The following TGS1 variants were observed in gnomAD, a reference collection of about 807,000 sequenced individuals.
TGS1 encodes the protein trimethylguanosine synthase 1, also known as trimethylguanosine synthase.
A neutral mutation model predicts 92.2 loss-of-function variants in TGS1; 69 were observed. The ratio of observed to expected loss-of-function variants is 0.75; its 90% CI spans 0.62 to 0.91. The LOEUF is 0.91. TGS1 is among the 40% of genes least tolerant of loss of function. The pLI, the probability that TGS1 is intolerant of heterozygous loss-of-function variation, is 0.00. For missense variants in TGS1, 1,062 were observed against 1,001.2 expected, an observed-to-expected ratio of 1.06 and a Z score of -0.82; for synonymous variants, 345 against 338.1, an observed-to-expected ratio of 1.02 and a Z score of -0.22.
In TGS1 at chr8:55,824,671, G is replaced by T. The variant is rs781609907; in HGVS notation, c.2530G>T (p.Asp844Tyr). 31 of 1,614,188 alleles carry T rather than the reference G, an allele frequency of 1.9e-5. No homozygotes were observed. The highest frequency in any genetic ancestry group is 2.1e-5 in the Non-Finnish European group (25 of 1,180,022). ...GAAGACAATCACTGCATATTTTGGT[G>T]ACCTAATTCGAAGACCAGCCTCTGA... ...KLKTITAYFG[D>Y]LIRRPASET is the part of the protein sequence containing the mutation. The change falls in exon 13 of 13, where the codon GAC becomes TAC. Residue 844 changes from aspartate (D) to tyrosine (Y), a missense_variant. Coordinates refer to ENST00000260129, the MANE Select transcript of TGS1 (RefSeq NM_024831.8).
rs974539349 is a variant in TGS1, at chr8:55,824,842, T to G, written c.*139T>G. Reference sequence around the variant, plus strand: ...GTATGAAATGGAAACTTACAGGACTTAAATATCAGTGAAATATTTTGAGAT... The same window carrying G: ...GTATGAAATGGAAACTTACAGGACTGAAATATCAGTGAAATATTTTGAGAT... On this transcript the variant is annotated 3_prime_UTR_variant, in exon 13 of 13. Transcript: ENST00000260129. 3 of 877,678 alleles carry G rather than the reference T, an allele frequency of 3.4e-6. No individual in the cohort carries two copies. In the East Asian group the frequency reaches 8.2e-5, roughly 24 times the overall value. 54.4% of individuals were successfully genotyped at this position (877,678 alleles called of 1,614,324 possible).
chr8:55,796,977 TAA>T (rs1000237512), intron 7 of TGS1, among the ~76,000 whole-genome samples: 7 of 150,926 alleles, frequency 4.6e-5, no homozygotes, highest in African/African-American at 1.7e-4. Flanking sequence ...GGAGACAGAG[TAA>T]GACTGTCTCA....
Position 55,796,002 on chromosome 8 carries a change from T to A in TGS1, c.1392T>A (p.Ser464Arg). The change falls in exon 7 of 13, where the codon AGT becomes AGA. Residue 464 changes from serine to arginine, a missense_variant. Ser to Arg is a moderately radical substitution (Grantham distance 110). Coordinates refer to ENST00000260129, the MANE Select transcript of TGS1 (RefSeq NM_024831.8). ...GATATGGTGGAATCCCAAATTTCAG[T>A]CATCGGCAGGTCAGGTATTTAGAGA... ...GQKYGGIPNFSHRQVRYLEKN... is the reference protein window; with the variant it reads ...GQKYGGIPNFRHRQVRYLEKN... 1 of 1,613,516 alleles carries A rather than the reference T, an allele frequency of 6.2e-7. No individual in the cohort carries two copies. Among genetic ancestry groups the A allele is most frequent in the Non-Finnish European group, 8.5e-7 (1 of 1,179,792 alleles).
intron 4 of TGS1, among the ~76,000 whole-genome samples, chr8:55,788,664 G>C (rs182586636): frequency 2.0e-5 from 3 of 151,836 alleles, no homozygotes; most frequent in Non-Finnish European, 4.4e-5. Flanking sequence ...GGGTTTCACC[G>C]TGTTGGCCAG....
At chr8:55,793,772 TTA>T (rs1240610773) in intron 6 of TGS1, among the ~76,000 whole-genome samples, 39 of 150,398 alleles carry the variant, frequency 2.6e-4, no homozygotes, top group African/African-American at 9.0e-4. Context: ...ATTTATTTAT[TTA>T]TTTTTTAATT....
intron 3 of TGS1, 112 bp from the exon 4 acceptor site, chr8:55,786,126 T>A: frequency 1.4e-6 from 1 of 737,290 alleles, no homozygotes; most frequent in Non-Finnish European, 2.2e-6. Context: ...TAAAAGCCCA[T>A]AGTGGGGCTT....
At chr8:55,781,590 G>A (rs1811563798) in intron 1 of TGS1, among the ~76,000 whole-genome samples, 1 of 152,078 alleles carries the variant, frequency 6.6e-6, no homozygotes, top group Non-Finnish European at 1.5e-5. Flanking sequence ...GATGCCCCCT[G>A]TGCAGCTCCT....
intron 6 of TGS1, among the ~76,000 whole-genome samples, chr8:55,795,474 C>G (rs1812013201): frequency 6.6e-6 from 1 of 152,122 alleles, no homozygotes; most frequent in Non-Finnish European, 1.5e-5. Context: ...AGATACATAT[C>G]TTTTAGGACT....
rs1042064705 is a variant in TGS1 at position 55,790,084 on chromosome 8, G to A, written c.1163-98G>A. On this transcript the variant is annotated intron_variant, in intron 4 of 12. Coordinates refer to ENST00000260129, the MANE Select transcript of TGS1 (RefSeq NM_024831.8). ...CTTTGATGCACATGTACAGTTCATT[G>A]TAGAAAAGGTGCTAAAATATTTTCA... is the stretch of plus-strand genomic sequence containing the variant. 32 of 829,564 alleles carry A rather than the reference G, an allele frequency of 3.9e-5. No homozygotes were observed. The African/African-American group carries it at 5.0e-4, about 13-fold the overall frequency. The allele number at this position is 829,564 out of a possible 1,614,324, so 51.4% of individuals were successfully genotyped here.
chr8:55,790,282 A>G lies in TGS1; in HGVS notation c.1263A>G (p.Pro421=), dbSNP rs1274163353. 8 of 1,613,260 alleles carry G rather than the reference A, an allele frequency of 5.0e-6. No homozygotes were observed. Among genetic ancestry groups the G allele is most frequent in the Non-Finnish European group, 6.8e-6 (8 of 1,179,324 alleles). Residue 421 remains proline (P), a synonymous_variant, in exon 5 of 13, where the codon CCA becomes CCG. Transcript: ENST00000260129. ...AGGAAGACCCACCTGAGCATAAGCCAAGCAAACTGAAGAGGAGGTAAGTTA... is the reference window on the plus strand; with the variant it reads ...AGGAAGACCCACCTGAGCATAAGCCGAGCAAACTGAAGAGGAGGTAAGTTA... ...ESEEDPPEHK[P]SKLKRSHELD... is the part of the protein sequence containing the mutation.
chr8:55,788,432 A>G (rs1811781019), intron 4 of TGS1, among the ~76,000 whole-genome samples: 1 of 131,378 alleles, frequency 7.6e-6, no homozygotes, highest in Non-Finnish European at 1.7e-5. Flanking sequence ...ATTCCTTTCT[A>G]TTTTGGTGAT....
At chr8:55,802,699 C>T in intron 9 of TGS1, 93 bp downstream of exon 9, 1 of 1,249,336 alleles carries the variant, frequency 8.0e-7, no homozygotes, top group South Asian at 1.6e-5. Flanking sequence ...GTTCATATCC[C>T]CTTTACCCAG....
chr8:55,816,188 A>G (rs7818947), intron 12 of TGS1, among the ~76,000 whole-genome samples: 23,641 of 152,038 alleles, frequency 0.16, 2,153 homozygotes, highest in African/African-American at 0.26. Flanking sequence ...TTGGACAGCC[A>G]GAGAATTCCA....
At chr8:55,819,897 G>T (rs1803585632) in intron 12 of TGS1, among the ~76,000 whole-genome samples, 1 of 152,174 alleles carries the variant, frequency 6.6e-6, no homozygotes, top group South Asian at 2.1e-4. Flanking sequence ...AATAACTAGT[G>T]GCAAAGCACT....
At chr8:55,781,739 A>G (rs1470719223) in intron 1 of TGS1, among the ~76,000 whole-genome samples, 1 of 152,230 alleles carries the variant, frequency 6.6e-6, no homozygotes, top group Non-Finnish European at 1.5e-5. Flanking sequence ...AAAAAGAAGC[A>G]AGAGGATGTG....
chr8:55,791,877 A>T (rs1811894618), intron 5 of TGS1, among the ~76,000 whole-genome samples: 1 of 152,208 alleles, frequency 6.6e-6, no homozygotes, highest in Admixed American at 6.5e-5. Flanking sequence ...AGATGCTAAC[A>T]CTGTAAGTAA....
chr8:55,783,047 C>T (rs1811611924), intron 2 of TGS1, among the ~76,000 whole-genome samples: 1 of 152,072 alleles, frequency 6.6e-6, no homozygotes, highest in South Asian at 2.1e-4. Context: ...GCCTCTTTTG[C>T]TGTGTGTAGT....
In TGS1 at chr8:55,796,017, G is replaced by T. The variant is rs1457264364; in HGVS notation, c.1407G>T (p.Arg469Ser). 6.2e-7 allele frequency: 1 copy of T among 1,613,554 alleles called. No homozygotes were observed. The highest frequency in any genetic ancestry group is 1.1e-5 in the South Asian group (1 of 91,026). The change falls in exon 7 of 13, where the codon AGG becomes AGT. Residue 469 changes from arginine to serine, a missense_variant. Physicochemically the swap from Arg to Ser is moderately radical, Grantham distance 110. Transcript: ENST00000260129. ...GIPNFSHRQVRYLEKNVKLKS... is the reference protein window; with the variant it reads ...GIPNFSHRQVSYLEKNVKLKS... ...CAAATTTCAGTCATCGGCAGGTCAG[G>T]TATTTAGAGAAGAATGTGAAGCTTA...
Position 55,824,795 on chromosome 8 carries a change from C to G in TGS1, c.*92C>G, listed in dbSNP as rs1042222007. 6.8e-7 allele frequency: 1 copy of G among 1,461,174 alleles called. No individual in the cohort carries two copies. The highest frequency in any genetic ancestry group is 9.4e-7 in the Non-Finnish European group (1 of 1,064,660). The allele number at this position is 1,461,174 out of a possible 1,614,324, so 90.5% of individuals were successfully genotyped here. A position where few individuals can be genotyped will look rare whatever the true frequency, so the allele number is the denominator to read the frequency against. ...GTCTTCCTTTATTCACTGATATTTT[C>G]TACCCATGGTCTTATATCACCGTAT... On this transcript the variant is annotated 3_prime_UTR_variant, in exon 13 of 13. Transcript: ENST00000260129.
Sources: allele counts gnomAD v4.1 joint callset (sites outside exome capture counted in the v4.1 genomes callset), GRCh38; gene constraint gnomAD v4.1.1; transcripts MANE v1.5; gene names NCBI Gene and HGNC (gene_info 2026-07-23, HGNC 2026-07-21).